INSYN2A: variants seen among roughly 807,000 people sequenced by gnomAD.
INSYN2A encodes inhibitory synaptic factor 2A.
INSYN2A carries 17 observed loss-of-function variants against 39.4 expected under a neutral mutation model. That is an observed-to-expected ratio of 0.43 (90% CI 0.30 to 0.65). INSYN2A has a LOEUF of 0.65. Among genes scored for constraint, INSYN2A ranks in the 30% least tolerant of loss-of-function variants. INSYN2A has a pLI of 0.14. For synonymous variants in INSYN2A, 255 were observed against 265.7 expected, an observed-to-expected ratio of 0.96 and a Z score of 0.39; for missense variants, 595 against 631.2, an observed-to-expected ratio of 0.94 and a Z score of 0.61.
intron 5 of INSYN2A, among the ~76,000 whole-genome samples, chr10:127,142,450 G>T (rs2133309471): frequency 6.6e-6 from 1 of 152,274 alleles, no homozygotes; most frequent in East Asian, 1.9e-4. Flanking sequence ...CATGTCATGA[G>T]GAATTCTTAC....
Position 127,196,259 on chromosome 10 carries a change from C to A in INSYN2A, c.-657G>T, listed in dbSNP as rs2057138329. On this transcript the variant is annotated 5_prime_UTR_variant, in exon 1 of 6. Coordinates refer to ENST00000522781, the MANE Select transcript of INSYN2A (RefSeq NM_001039762.3). ...CGCAGCTCGCGTCGCTCGCGTCCCT[C>A]CGGCCCCGCTTAGCGACGCGCGCGG... The A allele has an allele frequency of 1.3e-5, 2 of 149,116 alleles. No homozygotes were observed. The highest frequency in any genetic ancestry group is 2.4e-5 in the African/African-American group (1 of 41,078). The allele number at this position is 149,116 out of a possible 1,614,324, so 9.2% of individuals were successfully genotyped here.
rs2055078724 is a variant in INSYN2A, at chr10:127,175,914, G to A, written c.482C>T (p.Pro161Leu). 2 of 1,614,096 alleles carry A rather than the reference G, an allele frequency of 1.2e-6. No homozygotes were observed. The highest frequency in any genetic ancestry group is 1.3e-5 in the African/African-American group (1 of 74,934). The change falls in exon 4 of 6, where the codon CCA (proline) becomes CTA (leucine). Residue 161 changes from proline (P) to leucine (L), a missense_variant. Physicochemically the swap from Pro to Leu is moderately conservative, Grantham distance 98 (BLOSUM62 -3). This residue lies in a region of INSYN2A where 478 missense variants were observed against 467.4 expected (regional missense o/e 1.02). Transcript: ENST00000522781. The surrounding 1 kb of genome is among the most constrained non-coding windows in gnomAD (Gnocchi z 6.3). Reference sequence around the variant, plus strand: ...CTTGTGCACCCGCCCCGCGCCACATGGCCGGGCCTCCTCCATGGGTCCAGC... The same window carrying A: ...CTTGTGCACCCGCCCCGCGCCACATAGCCGGGCCTCCTCCATGGGTCCAGC... Reference protein sequence around the residue: ...NEAGPMEEARPCGAGRVHKTT... With the variant: ...NEAGPMEEARLCGAGRVHKTT...
intron 5 of INSYN2A, among the ~76,000 whole-genome samples, chr10:127,140,875 C>T (rs1205370174): frequency 2.0e-5 from 3 of 152,198 alleles, no homozygotes; most frequent in Non-Finnish European, 4.4e-5. Context: ...CTGGGACTGC[C>T]CTGCACACAG....
At chr10:127,185,643 AC>A (rs1736503944) in intron 2 of INSYN2A, among the ~76,000 whole-genome samples, 1 of 152,232 alleles carries the variant, frequency 6.6e-6, no homozygotes, top group Non-Finnish European at 1.5e-5. Context: ...ATTAGGTAGA[AC>A]CTGGCTGTAT....
chr10:127,142,428 C>T (rs1397357934), intron 5 of INSYN2A, among the ~76,000 whole-genome samples: 2 of 152,128 alleles, frequency 1.3e-5, no homozygotes, highest in Admixed American at 1.3e-4. Flanking sequence ...AAAGCATGGG[C>T]AGGGGAGTGT....
intron 2 of INSYN2A, among the ~76,000 whole-genome samples, chr10:127,189,653 G>A (rs1589853397): frequency 6.6e-6 from 1 of 152,208 alleles, no homozygotes; most frequent in Non-Finnish European, 1.5e-5. Flanking sequence ...GAGAAATGCA[G>A]TTATCATTGG....
At chr10:127,178,301 A>G (rs2055372946) in intron 2 of INSYN2A, among the ~76,000 whole-genome samples, 1 of 152,228 alleles carries the variant, frequency 6.6e-6, no homozygotes, top group Admixed American at 6.5e-5. Context: ...ACAACAAAAA[A>G]CAATCTCTGC....
At chr10:127,189,524 T>C (rs2056561067) in intron 2 of INSYN2A, among the ~76,000 whole-genome samples, 1 of 152,216 alleles carries the variant, frequency 6.6e-6, no homozygotes, top group South Asian at 2.1e-4. Context: ...AGAATAAATA[T>C]TATATAGCAA....
At chr10:127,178,538 C>G (rs868658694) in intron 2 of INSYN2A, among the ~76,000 whole-genome samples, 1 of 152,306 alleles carries the variant, frequency 6.6e-6, no homozygotes, top group South Asian at 2.1e-4. Flanking sequence ...TGGCAGAGAA[C>G]CACTGCATTA....
chr10:127,141,887 T>C (rs550588955), intron 5 of INSYN2A, among the ~76,000 whole-genome samples: 2 of 152,192 alleles, frequency 1.3e-5, no homozygotes, highest in Non-Finnish European at 1.5e-5. Context: ...TCAGAACTTA[T>C]CGAAGATCCT....
At chr10:127,155,920 A>G (rs2052999047) in intron 4 of INSYN2A, among the ~76,000 whole-genome samples, 1 of 152,188 alleles carries the variant, frequency 6.6e-6, no homozygotes, top group Non-Finnish European at 1.5e-5. Context: ...CTTGGGTGGC[A>G]GATGAGGTAC....
At chr10:127,174,948 A>G (rs1427003970) in intron 4 of INSYN2A, among the ~76,000 whole-genome samples, 6 of 152,240 alleles carry the variant, frequency 3.9e-5, no homozygotes, top group Admixed American at 6.5e-5. Flanking sequence ...GGAAAGGTCT[A>G]TCAATTCATT....
intron 4 of INSYN2A, among the ~76,000 whole-genome samples, chr10:127,158,962 C>G (rs1277341251): frequency 6.6e-6 from 1 of 152,122 alleles, no homozygotes; most frequent in Non-Finnish European, 1.5e-5. Flanking sequence ...GGGTTTTATC[C>G]CAGGGACCAA....
chr10:127,156,559 CTTCTTTTTTTTTTTTT>C (rs1452163041), intron 4 of INSYN2A, among the ~76,000 whole-genome samples: 3 of 60,180 alleles, frequency 5.0e-5, no homozygotes, highest in African/African-American at 1.6e-4. Flanking sequence ...TCTTCTTCTT[CTTCTTTTTTTTTTTTT>C]TTTTTTTTTG....
At chr10:127,163,183 A>T (rs146877060) in intron 4 of INSYN2A, among the ~76,000 whole-genome samples, 1 of 152,244 alleles carries the variant, frequency 6.6e-6, no homozygotes, top group South Asian at 2.1e-4. Context: ...GGCTGGGAAC[A>T]TGTCTTTGTT....
At chr10:127,140,571 A>G (rs1266249839) in intron 5 of INSYN2A, among the ~76,000 whole-genome samples, 1 of 150,398 alleles carries the variant, frequency 6.6e-6, no homozygotes, top group African/African-American at 2.4e-5. Context: ...TGTTCTGGAC[A>G]CTGCTTCCTG....
intron 4 of INSYN2A, among the ~76,000 whole-genome samples, chr10:127,162,752 A>C (rs1413591): frequency 1.3e-5 from 2 of 152,218 alleles, no homozygotes; most frequent in East Asian, 3.9e-4. Context: ...AGGAGCCGAC[A>C]TAACGAGCCG....
intron 4 of INSYN2A, among the ~76,000 whole-genome samples, chr10:127,162,493 A>G (rs1207103289): frequency 6.6e-6 from 1 of 152,220 alleles, no homozygotes; most frequent in African/African-American, 2.4e-5. Context: ...CAGCTAATTC[A>G]GAAGTTGAGT....
chr10:127,152,697 T>C (rs998471475), intron 5 of INSYN2A, among the ~76,000 whole-genome samples: 4 of 152,202 alleles, frequency 2.6e-5, no homozygotes, highest in Non-Finnish European at 5.9e-5. Context: ...GCTCCTCAGT[T>C]GTGGCAACTG....
Sources: gnomAD v4.1 joint callset for allele counts (sites outside exome capture counted in the v4.1 genomes callset) on GRCh38, gnomAD v4.1.1 for gene constraint, gnomAD v4.1.1 regional missense constraint, Gnocchi (gnomAD v3.1) non-coding constraint, MANE v1.5 for transcripts, NCBI Gene and HGNC (gene_info 2026-07-23, HGNC 2026-07-21) for gene names.